Variants in LGR6 observed in about 807,000 individuals in gnomAD.
The protein encoded by LGR6 is leucine-rich repeat-containing G protein-coupled receptor 6.
Under a neutral mutation model 69.4 loss-of-function variants are expected in LGR6, and 45 were observed. The observed-to-expected ratio is 0.65, with a 90% CI of 0.51 to 0.83. The LOEUF is 0.83. Among genes scored for constraint, LGR6 ranks in the 40% least tolerant of loss-of-function variants. LGR6 has a pLI of 0.00. For missense variants in LGR6, 1,108 were observed against 1,246.7 expected (o/e 0.89, Z 1.68); for synonymous variants, 538 against 555.0 (o/e 0.97, Z 0.43).
intron 6 of LGR6, among the ~76,000 whole-genome samples, chr1:202,283,398 C>G (rs866840848): frequency 1.3e-5 from 2 of 152,294 alleles, no homozygotes; most frequent in Admixed American, 6.5e-5. Context: ...AAATGATAGT[C>G]AAACCTTTTA....
intron 1 of LGR6, among the ~76,000 whole-genome samples, chr1:202,223,512 G>A (rs1660308482): frequency 6.6e-6 from 1 of 152,100 alleles, no homozygotes; most frequent in South Asian, 2.1e-4. Flanking sequence ...GAGGGCAACA[G>A]TGCATGTCTA....
chr1:202,304,774 C>G, intron 11 of LGR6, 144 bp downstream of exon 11: 1 of 530,136 alleles, frequency 1.9e-6, no homozygotes, highest in Non-Finnish European at 3.3e-6. Flanking sequence ...GAGCCTACCC[C>G]AGAAGGACCG....
intron 3 of LGR6, among the ~76,000 whole-genome samples, chr1:202,233,396 C>A (rs1254174402): frequency 3.9e-5 from 6 of 152,138 alleles, no homozygotes; most frequent in Non-Finnish European, 5.9e-5. Flanking sequence ...CAGCCTGCGA[C>A]CCCCTGTTTT....
At chr1:202,217,444 C>A (rs1659857644) in intron 1 of LGR6, among the ~76,000 whole-genome samples, 1 of 147,744 alleles carries the variant, frequency 6.8e-6, no homozygotes, top group Admixed American at 6.8e-5. Context: ...TAACTCAGGG[C>A]AAACAAAACA....
chr1:202,313,181 CAT>C (rs1484262962), intron 16 of LGR6, among the ~76,000 whole-genome samples: 12 of 150,784 alleles, frequency 8.0e-5, no homozygotes, highest in Non-Finnish European at 1.6e-4. Context: ...GAGCCGAGAT[CAT>C]GCCACTGCAC....
At chr1:202,255,490 C>T (rs149279724) in intron 4 of LGR6, among the ~76,000 whole-genome samples, 10 of 152,332 alleles carry the variant, frequency 6.6e-5, no homozygotes, top group African/African-American at 2.4e-4. Context: ...CCCTCCCCAG[C>T]GCCCTTCCCC....
At chr1:202,265,802 A>G (rs1485247574) in intron 4 of LGR6, among the ~76,000 whole-genome samples, 3 of 152,216 alleles carry the variant, frequency 2.0e-5, no homozygotes, top group Non-Finnish European at 2.9e-5. Context: ...AACTGGATCA[A>G]TAAAAAACAC....
In LGR6 at chr1:202,300,857, A is replaced by T; in HGVS notation, c.794A>T (p.His265Leu). 1 of 1,610,788 alleles carries T rather than the reference A, an allele frequency of 6.2e-7. No homozygotes were observed. The highest frequency in any genetic ancestry group is 2.2e-5 in the East Asian group (1 of 44,830). Residue 265 changes from histidine (H) to leucine (L), a missense_variant, in exon 8 of 18, where the codon CAT becomes CTT. Physicochemically the swap from His to Leu is moderately conservative, Grantham distance 99 (BLOSUM62 -3). Coordinates refer to ENST00000367278, the MANE Select transcript of LGR6 (RefSeq NM_001017403.2). ...CTGGTGTTGTCTTCCAGGGGGTTCC[A>T]TAACAACAACATCAAGGCCATCCCA... The part of the protein sequence containing the change: ...TLGRLQELGF[H>L]NNNIKAIPEK...
At chr1:202,225,233 A>T (rs1660428940) in intron 1 of LGR6, 190 bp from the exon 2 acceptor site, 1 of 559,122 alleles carries the variant, frequency 1.8e-6, no homozygotes, top group Non-Finnish European at 3.3e-6. Context: ...GGGAGGCCTG[A>T]CTCCCAGCTC....
chr1:202,227,875 G>A, intron 2 of LGR6, 61 bp from the exon 3 acceptor site: 1 of 1,158,852 alleles, frequency 8.6e-7, no homozygotes, highest in South Asian at 1.2e-5. Context: ...ACTTTCTTAT[G>A]GAGGTCACCA....
chr1:202,197,183 C>T, intron 1 of LGR6: 1 of 494,108 alleles, frequency 2.0e-6, no homozygotes, highest in South Asian at 1.5e-5. Context: ...TCTTCCCCCA[C>T]TCCACGGCTG....
intron 6 of LGR6, among the ~76,000 whole-genome samples, chr1:202,288,470 T>G (rs748479813): frequency 7.9e-5 from 12 of 152,180 alleles, no homozygotes; most frequent in Admixed American, 2.0e-4. Context: ...AACAAATATT[T>G]CAACAAATAG....
intron 4 of LGR6, among the ~76,000 whole-genome samples, chr1:202,274,594 C>T (rs1665384676): frequency 6.6e-6 from 1 of 152,182 alleles, no homozygotes; most frequent in Admixed American, 6.5e-5. Context: ...AATGAATCAC[C>T]TGGGAGTCAG....
At chr1:202,220,807 G>A (rs1277064776) in intron 1 of LGR6, among the ~76,000 whole-genome samples, 1 of 151,818 alleles carries the variant, frequency 6.6e-6, no homozygotes. Flanking sequence ...GGCCACTGTA[G>A]CTGGCCTTTT....
chr1:202,296,103 C>T (rs1481796995), intron 6 of LGR6, among the ~76,000 whole-genome samples: 2 of 152,112 alleles, frequency 1.3e-5, no homozygotes, highest in Admixed American at 6.5e-5. Context: ...AATTGAAGGG[C>T]CTCCATGTGG....
chr1:202,260,875 G>A (rs1049780548), intron 4 of LGR6, among the ~76,000 whole-genome samples: 6 of 152,112 alleles, frequency 3.9e-5, no homozygotes, highest in African/African-American at 1.4e-4. Context: ...CAGTGTGCCA[G>A]GAAATTCTGA....
intron 16 of LGR6, 114 bp from the exon 17 acceptor site, chr1:202,314,688 C>A: frequency 1.4e-6 from 1 of 735,178 alleles, no homozygotes; most frequent in Non-Finnish European, 2.5e-6. Context: ...CTAGAATGAA[C>A]AGTGCTGAGC....
Position 202,305,728 on chromosome 1 carries a change from G to T in LGR6, c.1115G>T (p.Arg372Met). Reference protein sequence around the residue: ...NQIEELPSLHRCQKLEEIGLQ... With the variant: ...NQIEELPSLHMCQKLEEIGLQ... ...ATTGAGGAGCTGCCCAGCCTGCACA[G>T]GTGTCAGAAATTGGAGGAAATGTGA... is the stretch of plus-strand genomic sequence containing the variant. Residue 372 changes from arginine (R) to methionine (M), a missense_variant, in exon 12 of 18, where the codon AGG becomes ATG. Transcript: ENST00000367278. 1 of 1,614,130 alleles carries T rather than the reference G, an allele frequency of 6.2e-7. No individual in the cohort carries two copies. The highest frequency in any genetic ancestry group is 1.3e-5 in the African/African-American group (1 of 75,038).
intron 1 of LGR6, among the ~76,000 whole-genome samples, chr1:202,207,615 C>G (rs1659302234): frequency 6.6e-6 from 1 of 152,150 alleles, no homozygotes; most frequent in African/African-American, 2.4e-5. Context: ...TCTTATAAAT[C>G]TAGCAGAGTG....
Sources: gnomAD v4.1 joint callset for allele counts (sites outside exome capture counted in the v4.1 genomes callset) on GRCh38, gnomAD v4.1.1 for gene constraint, MANE v1.5 for transcripts, NCBI Gene and HGNC (gene_info 2026-07-23, HGNC 2026-07-21) for gene names.